AZIN2: variants seen among roughly 807,000 people sequenced by gnomAD.
AZIN2 encodes the protein ODC antizyme inhibitor-2.
A neutral mutation model predicts 47.8 loss-of-function variants in AZIN2; 28 were observed. The observed-to-expected ratio is 0.59, with a 90% confidence interval of 0.43 to 0.80. The LOEUF is 0.80. Among genes scored for constraint, AZIN2 ranks in the 30% least tolerant of loss-of-function variants. The probability of loss-of-function intolerance (pLI) is 0.00; values close to 1 mark genes in which losing one functional copy is unlikely to be tolerated. For synonymous variants in AZIN2, 221 were observed against 239.4 expected (o/e 0.92, Z 0.71); for missense variants, 535 against 582.5 (o/e 0.92, Z 0.84).
chr1:33,107,822 A>T (rs557760103), intron 10 of AZIN2, among the ~76,000 whole-genome samples: 1 of 151,620 alleles, frequency 6.6e-6, no homozygotes, highest in South Asian at 2.1e-4. Context: ...GAAGGAGATA[A>T]AAAAGGACAT....
the AZIN2 span, chr1:33,147,615 C>G: frequency 2.5e-6 from 4 of 1,614,094 alleles, no homozygotes; most frequent in Non-Finnish European, 3.4e-6. The surrounding 1 kb of genome is among the most constrained non-coding windows in gnomAD (Gnocchi z 8.1). Flanking sequence ...AGCGCTTTGG[C>G]GAGTCCTGCA....
At chr1:33,111,663 A>G (rs1184870437) in intron 10 of AZIN2, among the ~76,000 whole-genome samples, 1 of 150,806 alleles carries the variant, frequency 6.6e-6, no homozygotes, top group Non-Finnish European at 1.5e-5. Flanking sequence ...GCTGGAGTGC[A>G]GTGGCTCGGC....
chr1:33,161,866 C>T, the AZIN2 span, among the ~76,000 whole-genome samples: 1 of 152,174 alleles, frequency 6.6e-6, no homozygotes, highest in African/African-American at 2.4e-5. The surrounding 1 kb of genome is among the most constrained non-coding windows in gnomAD (Gnocchi z 4.3). Flanking sequence ...TGACTGCTGC[C>T]TCTCTGCCTC....
chr1:33,134,133 T>TA, the AZIN2 span, among the ~76,000 whole-genome samples: 1 of 152,222 alleles, frequency 6.6e-6, no homozygotes, highest in South Asian at 2.1e-4. Context: ...TCTGAACACT[T>TA]ACCGTGGGCC....
intron 7 of AZIN2, among the ~76,000 whole-genome samples, 170 bp from the exon 8 acceptor site, chr1:33,094,378 C>T (rs1403218619): frequency 2.0e-5 from 3 of 152,224 alleles, no homozygotes; most frequent in African/African-American, 7.2e-5. Flanking sequence ...TCCACTTCTC[C>T]CTTGCCATAT....
chr1:33,135,990 A>G, the AZIN2 span, among the ~76,000 whole-genome samples: 61 of 149,286 alleles, frequency 4.1e-4, no homozygotes, highest in Admixed American at 3.8e-3. Flanking sequence ...CCCAAAGCCA[A>G]TACTTGTCTG....
chr1:33,136,322 C>A, the AZIN2 span, among the ~76,000 whole-genome samples: 4 of 131,330 alleles, frequency 3.0e-5, no homozygotes, highest in African/African-American at 1.1e-4. Context: ...CTTTCTTTTT[C>A]TTTCTTTCCT....
chr1:33,099,753 T>C (rs1165253262), intron 10 of AZIN2, among the ~76,000 whole-genome samples: 2 of 152,208 alleles, frequency 1.3e-5, no homozygotes, highest in African/African-American at 4.8e-5. Flanking sequence ...GTTTCTTCCT[T>C]TAGGCTCTTA....
At chr1:33,089,395 C>T (rs143428121) in intron 5 of AZIN2, among the ~76,000 whole-genome samples, 1,524 of 152,172 alleles carry the variant, frequency 0.01, 9 homozygotes, top group Non-Finnish European at 0.017. Context: ...CCCAGGAGTT[C>T]GAAACCAGCC....
downstream of AZIN2, among the ~76,000 whole-genome samples, chr1:33,126,431 T>C (rs950007175): frequency 2.0e-5 from 3 of 152,228 alleles, no homozygotes; most frequent in Admixed American, 2.0e-4. Context: ...CAGGGAGTGT[T>C]TCTCCTACTT....
the AZIN2 span, among the ~76,000 whole-genome samples, chr1:33,131,734 C>T: frequency 1.1e-4 from 16 of 152,108 alleles, no homozygotes; most frequent in East Asian, 9.6e-4. Context: ...GAAAATTTAA[C>T]AGCCAAAATA....
intron 10 of AZIN2, among the ~76,000 whole-genome samples, chr1:33,103,439 G>A (rs144523471): frequency 1.0e-3 from 154 of 152,208 alleles, no homozygotes; most frequent in African/African-American, 3.5e-3. Flanking sequence ...ACTCACCCCT[G>A]AGACAGCTGC....
chr1:33,148,427 A>T, the AZIN2 span, among the ~76,000 whole-genome samples: 2 of 152,136 alleles, frequency 1.3e-5, no homozygotes, highest in Non-Finnish European at 2.9e-5. Flanking sequence ...TTTGTTTGGA[A>T]CTTCCCTAAG....
At position 33,107,006 on chromosome 1, in the gene AZIN2, G is replaced by T. The variant is rs144675817; in HGVS notation, c.1029+8827G>T. Among the ~76,000 whole-genome samples the T allele has an allele frequency of 4.1e-3, 621 of 152,294 alleles. 11 individuals are homozygous for T. Among genetic ancestry groups the T allele is most frequent in the African/African-American group, 0.014 (593 of 41,558 alleles). On this transcript the variant is annotated intron_variant, in intron 10 of 11. Coordinates refer to ENST00000294517, the MANE Select transcript of AZIN2 (RefSeq NM_052998.4). ...TATCTTATATATAGAAAACTCTAAG[G>T]CTTGGCGTGGTGGCTCATGCCTGTA...
intron 10 of AZIN2, among the ~76,000 whole-genome samples, chr1:33,112,703 T>C (rs1644341288): frequency 6.6e-6 from 1 of 152,346 alleles, no homozygotes; most frequent in African/African-American, 2.4e-5. Flanking sequence ...TCATTCGTTA[T>C]ATCTTAGACA....
Position 33,093,374 on chromosome 1 carries a change from T to C in AZIN2, c.545T>C (p.Leu182Pro). ...TCACTGAAATCCTGCAGACACCTGC[T>C]TGAAAATGCGAAGAAGCACCATGTG... ...GVSLKSCRHLLENAKKHHVEV... is the reference protein window; with the variant it reads ...GVSLKSCRHLPENAKKHHVEV... Residue 182 changes from leucine to proline, a missense_variant, in exon 7 of 12, where the codon CTT becomes CCT. Leu to Pro is a moderately conservative substitution (Grantham distance 98, BLOSUM62 -3). Transcript: ENST00000294517. 1 of 1,614,074 alleles carries C rather than the reference T, an allele frequency of 6.2e-7. No homozygotes were observed.
the AZIN2 span, among the ~76,000 whole-genome samples, chr1:33,137,270 T>G: frequency 7.2e-5 from 11 of 152,328 alleles, no homozygotes; most frequent in African/African-American, 2.6e-4. Flanking sequence ...ATGTGAGCTC[T>G]GCCACGTAAG....
the AZIN2 span, among the ~76,000 whole-genome samples, chr1:33,154,662 G>C: frequency 6.6e-6 from 1 of 151,536 alleles, no homozygotes; most frequent in South Asian, 2.1e-4. Context: ...GCTGGGTGCA[G>C]TGGCGTGTGC....
intron 8 of AZIN2, 139 bp from the exon 9 acceptor site, chr1:33,096,567 GC>G: frequency 9.7e-7 from 1 of 1,034,274 alleles, no homozygotes; most frequent in Non-Finnish European, 1.4e-6. Flanking sequence ...ACAGTTATCA[GC>G]TGGGGCCTTA....
Sources: gnomAD v4.1 joint callset for allele counts (sites outside exome capture counted in the v4.1 genomes callset) on GRCh38, gnomAD v4.1.1 for gene constraint, Gnocchi (gnomAD v3.1) non-coding constraint, MANE v1.5 for transcripts, NCBI Gene and HGNC (gene_info 2026-07-23, HGNC 2026-07-21) for gene names.